The following PHKA2 variants were observed in gnomAD, a reference collection of about 807,000 sequenced individuals.
PHKA2 encodes the protein phosphorylase kinase regulatory subunit alpha 2, also known as phosphorylase b kinase regulatory subunit alpha, liver isoform.
A neutral mutation model predicts 102.0 loss-of-function variants in PHKA2; 31 were observed. That is an observed-to-expected ratio of 0.30 (90% CI 0.23 to 0.41). The LOEUF is 0.41. PHKA2 is among the 10% of genes least tolerant of loss of function. PHKA2 has a pLI of 1.00. For synonymous variants in PHKA2, 455 were observed against 416.2 expected (o/e 1.09, Z -1.13); for missense variants, 858 against 1,023.1 (o/e 0.84, Z 2.20).
intron 1 of PHKA2, among the ~76,000 whole-genome samples, chrX:18,955,374 G>GTT (rs35875518): frequency 2.2e-5 from 2 of 90,291 alleles, no homozygotes; most frequent in Admixed American, 1.2e-4. Flanking sequence ...GCTGCTAGTA[G>GTT]TTTTTTTTTT....
chrX:18,942,202 C>T (rs1463337554), intron 7 of PHKA2, among the ~76,000 whole-genome samples: 1 of 111,912 alleles, frequency 8.9e-6, no homozygotes. Context: ...TAGTTTAGTC[C>T]TAGAATCTTT....
In PHKA2 at chrX:18,897,214, G is replaced by T. The variant is rs771359181; in HGVS notation, c.3231C>A (p.Ile1077=). ...WLRRRRLDGA[I]NRVPVGFYQR... is the part of the protein sequence containing the mutation. ...GGTAGAATCCCACGGGGACCCTGTT[G>T]ATGGCCCCATCCAGCCTTCTCCTGC... Residue 1077 remains isoleucine, a synonymous_variant, in exon 30 of 33, where the codon ATC becomes ATA. Coordinates refer to ENST00000379942, the MANE Select transcript of PHKA2 (RefSeq NM_000292.3). 8.3e-7 allele frequency: 1 copy of T among 1,211,260 alleles called. No individual in the cohort carries two copies. The highest frequency in any genetic ancestry group is 2.3e-4 in the Middle Eastern group (1 of 4,355).
intron 1 of PHKA2, among the ~76,000 whole-genome samples, chrX:18,978,565 T>C (rs1342755319): frequency 1.8e-5 from 2 of 109,077 alleles, no homozygotes; most frequent in Non-Finnish European, 3.8e-5. Context: ...TACAAAAAAT[T>C]AGCCGGGCGT....
intron 1 of PHKA2, among the ~76,000 whole-genome samples, chrX:18,960,631 C>T (rs1376819926): frequency 1.8e-5 from 2 of 111,997 alleles, no homozygotes; most frequent in Non-Finnish European, 3.8e-5. Flanking sequence ...AATACTAAAC[C>T]ATTCATAAGA....
intron 10 of PHKA2, among the ~76,000 whole-genome samples, chrX:18,937,202 C>T (rs2048407144): frequency 9.1e-6 from 1 of 109,622 alleles, no homozygotes; most frequent in Non-Finnish European, 1.9e-5. Context: ...GAAAAAATGG[C>T]AAAGCATCTG....
At chrX:18,942,632 C>T (rs1338957932) in intron 7 of PHKA2, among the ~76,000 whole-genome samples, 1 of 110,248 alleles carries the variant, frequency 9.1e-6, no homozygotes, top group East Asian at 2.8e-4. Flanking sequence ...CACTTGAGGC[C>T]AGGAATTGGA....
chrX:18,905,933 G>C (rs1294137097), intron 25 of PHKA2, 74 bp from the exon 26 acceptor site: 1 of 715,161 alleles, frequency 1.4e-6, no homozygotes, highest in Non-Finnish European at 2.2e-6. Flanking sequence ...GGTGGACGTG[G>C]GTGGGGAGGG....
At position 18,895,120 on chromosome X, in the gene PHKA2, G is replaced by C. The variant is rs766971050; in HGVS notation, c.3336+18C>G. 45 of 1,205,531 alleles carry C rather than the reference G, an allele frequency of 3.7e-5. 1 individual carries two copies. The South Asian group carries it at 7.4e-4, about 20-fold the overall frequency. On this transcript the variant is annotated intron_variant, in intron 31 of 32. Transcript: ENST00000379942. ...TGAACCCACAGAGGGGCCCGCCTCT[G>C]CGTTTTTCTCATCGTACCTCTCGGG...
chrX:18,954,658 C>T (rs2048748867), intron 1 of PHKA2, among the ~76,000 whole-genome samples: 1 of 112,622 alleles, frequency 8.9e-6, no homozygotes, highest in Non-Finnish European at 1.9e-5. Flanking sequence ...CATTCCAGCT[C>T]TTATGTTCTT....
At chrX:18,929,665 T>C (rs755325992) in intron 12 of PHKA2, among the ~76,000 whole-genome samples, 76 of 111,644 alleles carry the variant, frequency 6.8e-4, no homozygotes, top group South Asian at 2.3e-3. Flanking sequence ...GGCACTACTT[T>C]TGGGGCTCAG....
At chrX:18,896,070 G>A (rs2047546377) in intron 30 of PHKA2, 3 of 112,453 alleles carry the variant, frequency 2.7e-5, no homozygotes, top group South Asian at 3.7e-4. Context: ...AAAGAACCTT[G>A]AGCAAGTGGT....
At chrX:18,901,450 C>T (rs746786780) in intron 27 of PHKA2, 35 bp downstream of exon 27, 1 of 911,417 alleles carries the variant, frequency 1.1e-6, no homozygotes, top group Non-Finnish European at 1.6e-6. Context: ...AGGGAGACCA[C>T]CACTCATCCC....
intron 26 of PHKA2, among the ~76,000 whole-genome samples, chrX:18,902,110 G>T (rs1301849672): frequency 9.0e-6 from 1 of 110,728 alleles, no homozygotes; most frequent in Non-Finnish European, 1.9e-5. Flanking sequence ...CAAAGTGCTG[G>T]GATTACAGGC....
At chrX:18,895,861 G>A (rs1042142428) in intron 30 of PHKA2, 22 of 116,142 alleles carry the variant, frequency 1.9e-4, no homozygotes, top group Non-Finnish European at 3.6e-4. Flanking sequence ...AGTGGGCTGA[G>A]GGCAGAACAG....
At chrX:18,920,779 C>T (rs994129577) in intron 17 of PHKA2, among the ~76,000 whole-genome samples, 43 of 111,951 alleles carry the variant, frequency 3.8e-4, no homozygotes, top group African/African-American at 1.2e-3. Flanking sequence ...GAAACCTGGA[C>T]GCTGGGTTTG....
At chrX:18,932,868 C>G (rs1324172644) in intron 11 of PHKA2, among the ~76,000 whole-genome samples, 3 of 111,479 alleles carry the variant, frequency 2.7e-5, no homozygotes, top group Non-Finnish European at 5.6e-5. Flanking sequence ...AATCCCAGCA[C>G]TTTGGGAGGC....
intron 5 of PHKA2, among the ~76,000 whole-genome samples, chrX:18,948,415 A>G (rs759354089): frequency 2.0e-3 from 219 of 112,224 alleles, no homozygotes; most frequent in African/African-American, 6.7e-3. Flanking sequence ...CAGAGGCTGC[A>G]GTGAGCTGAG....
rs1245426949 is a variant in PHKA2 at position 18,938,934 on chromosome X, C to A, written c.919-185G>T. Among the ~76,000 whole-genome samples the A allele has an allele frequency of 3.6e-5, 4 of 112,099 alleles. No individual in the cohort carries two copies. The East Asian group carries it at 1.1e-3, about 31-fold the overall frequency. On this transcript the variant is annotated intron_variant, in intron 9 of 32. Transcript: ENST00000379942. The stretch of plus-strand genomic sequence containing the variant: ...CATGGTAATATTTCAGAAAGTAAGT[C>A]AGAAACATACACAAGACTCCTTGGT...
rs376006853 is a variant in PHKA2, at chrX:18,955,707, A to G, written c.79-1295T>C. On this transcript the variant is annotated intron_variant, in intron 1 of 32. Coordinates refer to ENST00000379942, the MANE Select transcript of PHKA2 (RefSeq NM_000292.3). ...CACCATATTATTTACAAGAGAGCTC[A>G]TGAAAAAACTGCACTGGGTACTTTC... 1.2e-4 allele frequency among the ~76,000 whole-genome samples: 13 copies of G among 112,317 alleles called. No individual in the cohort carries two copies. In the East Asian group the frequency reaches 1.9e-3, roughly 17 times the overall value.
Sources: gnomAD v4.1 joint callset for allele counts (sites outside exome capture counted in the v4.1 genomes callset) on GRCh38, gnomAD v4.1.1 for gene constraint, MANE v1.5 for transcripts, NCBI Gene and HGNC (gene_info 2026-07-23, HGNC 2026-07-21) for gene names.